The following MGAT5 variants were observed in gnomAD, a reference collection of about 807,000 sequenced individuals.
MGAT5 encodes alpha-1,6-mannosylglycoprotein 6-beta-N-acetylglucosaminyltransferase A.
A neutral mutation model predicts 94.3 loss-of-function variants in MGAT5; 30 were observed. The ratio of observed to expected loss-of-function variants is 0.32; its 90% CI spans 0.24 to 0.43. The LOEUF (loss-of-function observed/expected upper bound fraction) is 0.43. Among genes scored for constraint, MGAT5 ranks in the 20% least tolerant of loss-of-function variants. MGAT5 has a pLI of 1.00. For synonymous variants in MGAT5, 310 were observed against 322.9 expected (o/e 0.96, Z 0.43); for missense variants, 691 against 905.5 (o/e 0.76, Z 3.04).
chr2:134,348,940 G>C (rs571862378), intron 8 of MGAT5, among the ~76,000 whole-genome samples: 8 of 152,180 alleles, frequency 5.3e-5, no homozygotes, highest in Non-Finnish European at 1.2e-4. Context: ...TTTTTGAGCC[G>C]TATATGCATC....
chr2:134,245,734 A>C (rs949259939), intron 1 of MGAT5, among the ~76,000 whole-genome samples: 3 of 152,206 alleles, frequency 2.0e-5, no homozygotes, highest in Admixed American at 2.0e-4. Context: ...GAACCTGGGA[A>C]TAGAGAGGGC....
chr2:134,281,876 C>A (rs1439080826), intron 2 of MGAT5, among the ~76,000 whole-genome samples: 1 of 152,164 alleles, frequency 6.6e-6, no homozygotes, highest in Non-Finnish European at 1.5e-5. Context: ...TGCAGAAGAA[C>A]AAAGTAAATA....
intron 2 of MGAT5, among the ~76,000 whole-genome samples, chr2:134,306,447 C>T (rs1366864349): frequency 7.2e-5 from 11 of 152,036 alleles, no homozygotes; most frequent in Admixed American, 7.2e-4. Context: ...TCATACCCCA[C>T]CAAGCATTGT....
chr2:134,274,964 A>G (rs1215598805), intron 2 of MGAT5, among the ~76,000 whole-genome samples: 1 of 152,224 alleles, frequency 6.6e-6, no homozygotes, highest in Non-Finnish European at 1.5e-5. Flanking sequence ...AAAATGAAAA[A>G]TGTCCCTGCT....
At chr2:134,202,022 A>G (rs906496677) in intron 1 of MGAT5, among the ~76,000 whole-genome samples, 2 of 152,002 alleles carry the variant, frequency 1.3e-5, no homozygotes, top group Admixed American at 6.6e-5. Flanking sequence ...TATTTTCATT[A>G]TATTATTATT....
At chr2:134,330,111 GATAT>G (rs777100042) in intron 4 of MGAT5, among the ~76,000 whole-genome samples, 2 of 152,194 alleles carry the variant, frequency 1.3e-5, no homozygotes, top group East Asian at 3.9e-4. Context: ...TGAATATTTA[GATAT>G]ATAGTCAACT....
chr2:134,287,234 T>C (rs1558761828), intron 2 of MGAT5, among the ~76,000 whole-genome samples: 1 of 152,198 alleles, frequency 6.6e-6, no homozygotes, highest in Non-Finnish European at 1.5e-5. Context: ...TGAATTTAAT[T>C]CTTCTATTTT....
At chr2:134,260,364 G>A (rs1235483330) in intron 1 of MGAT5, among the ~76,000 whole-genome samples, 1 of 152,196 alleles carries the variant, frequency 6.6e-6, no homozygotes, top group East Asian at 1.9e-4. Flanking sequence ...CAGTGGAGAG[G>A]TAACTGCTTT....
intron 1 of MGAT5, among the ~76,000 whole-genome samples, chr2:134,126,105 T>G (rs1685827315): frequency 6.6e-6 from 1 of 152,252 alleles, no homozygotes; most frequent in African/African-American, 2.4e-5. Context: ...AATGCTTTTC[T>G]GAACCCAAGA....
At chr2:134,227,482 G>C (rs894345318) in intron 1 of MGAT5, among the ~76,000 whole-genome samples, 2 of 152,168 alleles carry the variant, frequency 1.3e-5, no homozygotes, top group African/African-American at 2.4e-5. Context: ...TCACTGCAGA[G>C]TTTAGCATGT....
intron 1 of MGAT5, among the ~76,000 whole-genome samples, chr2:134,155,174 A>G (rs1422276055): frequency 6.6e-6 from 1 of 152,094 alleles, no homozygotes; most frequent in African/African-American, 2.4e-5. Flanking sequence ...CTCTTTCCCC[A>G]CCGCCCAGAA....
At chr2:134,130,862 G>GT (rs1158062291) in intron 1 of MGAT5, among the ~76,000 whole-genome samples, 1 of 151,994 alleles carries the variant, frequency 6.6e-6, no homozygotes, top group African/African-American at 2.4e-5. Flanking sequence ...GAGAACTTTT[G>GT]TGTCTAGCTA....
chr2:134,230,456 G>C (rs1010071976), intron 1 of MGAT5, among the ~76,000 whole-genome samples: 1 of 152,136 alleles, frequency 6.6e-6, no homozygotes, highest in African/African-American at 2.4e-5. Context: ...TACCACTGTA[G>C]GATGACTATA....
rs973497935 is a variant in MGAT5, at chr2:134,448,906, C to T, written c.*59C>T. 7.2e-6 allele frequency: 11 copies of T among 1,518,320 alleles called. No homozygotes were observed. Among genetic ancestry groups the T allele is most frequent in the Non-Finnish European group, 9.0e-6 (10 of 1,110,144 alleles). The allele number at this position is 1,518,320 out of a possible 1,614,324, so 94.1% of individuals were successfully genotyped here. A position where few individuals can be genotyped will look rare whatever the true frequency, so the allele number is the denominator to read the frequency against. ...GGGAAGACAGTGGCCCCAGCCCCGT[C>T]AGGCAGGGCCAGGGACAGAAGTCAT... On this transcript the variant is annotated 3_prime_UTR_variant, in exon 16 of 16. Coordinates refer to ENST00000281923, the MANE Select transcript of MGAT5 (RefSeq NM_002410.5).
At position 134,406,821 on chromosome 2, in the gene MGAT5, G is replaced by T. The variant is rs78666475; in HGVS notation, c.1530+3684G>T. Among the ~76,000 whole-genome samples the T allele has an allele frequency of 3.9e-3, 595 of 152,208 alleles. 5 individuals are homozygous for T. Among genetic ancestry groups the T allele is most frequent in the African/African-American group, 0.014 (568 of 41,542 alleles). ...GAAATGGGAGGGTCACTTGAGTCCA[G>T]AAGGCTGAGGTTGTGGTGAGCTGAG... is the stretch of plus-strand genomic sequence containing the variant. On this transcript the variant is annotated intron_variant, in intron 11 of 15. Transcript: ENST00000281923.
chr2:134,138,258 C>T lies in MGAT5; in HGVS notation c.-143+17967C>T, dbSNP rs187477303. ...GAAAGCAAGAAATTCACCAAATTTA[C>T]TCGCTAAGAGTTAGTGATTCAGTCT... On this transcript the variant is annotated intron_variant, in intron 1 of 16. Transcript: ENST00000409645. Among the ~76,000 whole-genome samples, 4 of 151,268 alleles carry T rather than the reference C, an allele frequency of 2.6e-5. No individual in the cohort carries two copies. In the East Asian group the frequency reaches 7.8e-4, roughly 29 times the overall value.
intron 13 of MGAT5, among the ~76,000 whole-genome samples, chr2:134,425,466 T>C (rs1184954188): frequency 6.6e-6 from 1 of 152,146 alleles, no homozygotes; most frequent in African/African-American, 2.4e-5. Context: ...GAGGATTTTA[T>C]AAGTATGATG....
chr2:134,314,544 T>C (rs1410172627), intron 2 of MGAT5, among the ~76,000 whole-genome samples: 1 of 152,002 alleles, frequency 6.6e-6, no homozygotes, highest in Non-Finnish European at 1.5e-5. Flanking sequence ...GGAGGGGAGA[T>C]GGACTGCCAT....
intron 14 of MGAT5, among the ~76,000 whole-genome samples, chr2:134,430,744 T>C (rs1684835128): frequency 6.6e-6 from 1 of 151,892 alleles, no homozygotes. Flanking sequence ...CCTGCTGTTG[T>C]TGATTCATTC....
Sources: allele counts gnomAD v4.1 joint callset (sites outside exome capture counted in the v4.1 genomes callset), GRCh38; gene constraint gnomAD v4.1.1; transcripts MANE v1.5; gene names NCBI Gene and HGNC (gene_info 2026-07-23, HGNC 2026-07-21).